The following NTRK3 variants were observed in gnomAD, a reference collection of about 807,000 sequenced individuals.
NTRK3 encodes the protein NT-3 growth factor receptor.
Under a neutral mutation model 91.7 loss-of-function variants are expected in NTRK3, and 24 were observed. The ratio of observed to expected loss-of-function variants is 0.26; its 90% CI spans 0.19 to 0.37. The LOEUF (loss-of-function observed/expected upper bound fraction) is 0.37. Among genes scored for constraint, NTRK3 ranks in the 10% least tolerant of loss-of-function variants. The pLI is 1.00. For missense variants in NTRK3, 880 were observed against 1,068.9 expected (o/e 0.82, Z 2.46); for synonymous variants, 483 against 404.0 (o/e 1.20, Z -2.34).
intron 3 of NTRK3, among the ~76,000 whole-genome samples, chr15:88,242,758 C>A (rs374845018): frequency 5.9e-5 from 9 of 152,212 alleles, no homozygotes; most frequent in African/African-American, 2.2e-4. Flanking sequence ...TCTTCCCCAA[C>A]AGTCCAGATG....
At chr15:88,016,956 T>TAAA (rs67163869) in intron 14 of NTRK3, among the ~76,000 whole-genome samples, 5 of 84,308 alleles carry the variant, frequency 5.9e-5, no homozygotes, top group Admixed American at 1.4e-4. Flanking sequence ...AGACGAAGCT[T>TAAA]AAAAAAAAAA....
chr15:88,223,812 A>T (rs2050445121), intron 3 of NTRK3, among the ~76,000 whole-genome samples: 1 of 152,212 alleles, frequency 6.6e-6, no homozygotes, highest in South Asian at 2.1e-4. Context: ...GTAGCAGAAG[A>T]CTTAGAAAGT....
At chr15:88,090,444 A>G (rs2048915015) in intron 13 of NTRK3, among the ~76,000 whole-genome samples, 1 of 152,198 alleles carries the variant, frequency 6.6e-6, no homozygotes, top group Admixed American at 6.5e-5. Flanking sequence ...TGCCCTAGGC[A>G]ACGTAGATAA....
intron 13 of NTRK3, among the ~76,000 whole-genome samples, chr15:88,076,007 G>A (rs1049389678): frequency 6.6e-6 from 1 of 152,206 alleles, no homozygotes; most frequent in Admixed American, 6.5e-5. Flanking sequence ...GATGGTGGTG[G>A]TGCTATTGTT....
intron 14 of NTRK3, among the ~76,000 whole-genome samples, chr15:88,019,264 G>A (rs1229288331): frequency 6.6e-6 from 1 of 152,198 alleles, no homozygotes; most frequent in Non-Finnish European, 1.5e-5. Flanking sequence ...CTTACTCCTA[G>A]AGGAGCAGGA....
At chr15:88,010,633 A>G (rs1393918813) in intron 14 of NTRK3, among the ~76,000 whole-genome samples, 2 of 152,176 alleles carry the variant, frequency 1.3e-5, no homozygotes, top group Non-Finnish European at 2.9e-5. Flanking sequence ...AACCTATTGA[A>G]TAAGGAGAAT....
intron 14 of NTRK3, among the ~76,000 whole-genome samples, chr15:88,017,563 A>G (rs1035018929): frequency 9.2e-5 from 14 of 152,208 alleles, no homozygotes. Flanking sequence ...AGGGGTTTGC[A>G]GTGGTTGGTT....
At chr15:87,983,128 A>C (rs2074439241) in intron 14 of NTRK3, among the ~76,000 whole-genome samples, 1 of 152,238 alleles carries the variant, frequency 6.6e-6, no homozygotes, top group African/African-American at 2.4e-5. Context: ...CCCCTCTTCA[A>C]ATGTATTCAT....
intron 3 of NTRK3, among the ~76,000 whole-genome samples, chr15:88,248,292 A>G (rs927053037): frequency 2.0e-5 from 3 of 152,214 alleles, no homozygotes; most frequent in Non-Finnish European, 2.9e-5. Context: ...GGAACAGGTC[A>G]GAAGGAGAGA....
At chr15:87,960,487 C>T (rs1306934396) in intron 14 of NTRK3, among the ~76,000 whole-genome samples, 1 of 151,504 alleles carries the variant, frequency 6.6e-6, no homozygotes, top group Non-Finnish European at 1.5e-5. Flanking sequence ...AGCTTCCCCC[C>T]ATCCTTTTTT....
At chr15:88,118,522 T>A (rs1397564011) in intron 13 of NTRK3, among the ~76,000 whole-genome samples, 1 of 152,222 alleles carries the variant, frequency 6.6e-6, no homozygotes, top group Non-Finnish European at 1.5e-5. Flanking sequence ...TACTGTAGGA[T>A]AACTGGATCA....
chr15:88,174,511 T>C (rs2045815903), intron 5 of NTRK3, among the ~76,000 whole-genome samples: 1 of 152,196 alleles, frequency 6.6e-6, no homozygotes, highest in African/African-American at 2.4e-5. Context: ...TCATTCACTC[T>C]GTGAAAATCC....
chr15:88,133,857 C>T (rs947017542), intron 10 of NTRK3, among the ~76,000 whole-genome samples: 8 of 152,284 alleles, frequency 5.3e-5, no homozygotes, highest in African/African-American at 9.6e-5. Flanking sequence ...TCCGAAAAGA[C>T]GGCTCCATCA....
At chr15:87,992,439 T>C (rs1292521072) in intron 14 of NTRK3, among the ~76,000 whole-genome samples, 1 of 152,240 alleles carries the variant, frequency 6.6e-6, no homozygotes, top group Non-Finnish European at 1.5e-5. Context: ...ATAAGCCACT[T>C]GGCAGTTAAT....
chr15:88,063,336 CT>C (rs1396609300), intron 13 of NTRK3, among the ~76,000 whole-genome samples: 10 of 152,240 alleles, frequency 6.6e-5, no homozygotes, highest in African/African-American at 2.4e-4. Flanking sequence ...CTGTTGGTGG[CT>C]CTCTAAACTG....
intron 14 of NTRK3, among the ~76,000 whole-genome samples, chr15:88,028,565 G>A (rs1211468001): frequency 2.0e-5 from 3 of 152,184 alleles, no homozygotes; most frequent in African/African-American, 7.2e-5. Flanking sequence ...TCAAGGGGGA[G>A]AAGAGAGGAA....
intron 13 of NTRK3, among the ~76,000 whole-genome samples, chr15:88,087,661 G>A (rs1201603302): frequency 6.6e-6 from 1 of 152,210 alleles, no homozygotes; most frequent in Non-Finnish European, 1.5e-5. Context: ...GGTCATACCT[G>A]CATCAGCACC....
chr15:88,177,018 C>A (rs1383974882), intron 5 of NTRK3, among the ~76,000 whole-genome samples: 1 of 152,142 alleles, frequency 6.6e-6, no homozygotes, highest in African/African-American at 2.4e-5. Context: ...AGATCCAGGG[C>A]AGGGTATCTG....
At chr15:87,878,465 A>G (rs564787370) in intron 18 of NTRK3, among the ~76,000 whole-genome samples, 1 of 152,272 alleles carries the variant, frequency 6.6e-6, no homozygotes, top group African/African-American at 2.4e-5. Flanking sequence ...CCAGCCTGAT[A>G]AGTCTCCAGC....
Sources: allele counts gnomAD v4.1 joint callset (sites outside exome capture counted in the v4.1 genomes callset), GRCh38; gene constraint gnomAD v4.1.1; transcripts MANE v1.5; gene names NCBI Gene and HGNC (gene_info 2026-07-23, HGNC 2026-07-21).